Variants in DNAAF1 observed in about 807,000 individuals in gnomAD.
The protein encoded by DNAAF1 is dynein axonemal assembly factor 1.
DNAAF1 carries 65 observed loss-of-function variants against 71.1 expected under a neutral mutation model. The observed-to-expected ratio is 0.91, with a 90% CI of 0.75 to 1.12. The LOEUF (loss-of-function observed/expected upper bound fraction) is 1.12. DNAAF1 is among the 50% of genes most tolerant of loss of function. DNAAF1 has a pLI of 0.00. For synonymous variants in DNAAF1, 414 were observed against 354.6 expected (o/e 1.17, Z -1.88); for missense variants, 1,178 against 899.8 (o/e 1.31, Z -3.96).
intron 6 of DNAAF1, among the ~76,000 whole-genome samples, chr16:84,164,180 C>T (rs1002739540): frequency 2.6e-5 from 4 of 151,494 alleles, no homozygotes; most frequent in Non-Finnish European, 5.9e-5. Flanking sequence ...CATATACCAC[C>T]CGCCCTCACT....
In DNAAF1 at chr16:84,176,306, G is replaced by T. The variant is rs1017112523; in HGVS notation, c.2065+7G>T. ...CTTGCAGCCTCTTCTCCGGGTAAGA[G>T]CGTGGGGCCGAGAGCACAGTGGAGA... On this transcript the variant is annotated splice_region_variant and intron_variant, in intron 11 of 11. Transcript: ENST00000378553. The T allele has an allele frequency of 1.2e-6, 2 of 1,613,104 alleles. No homozygotes were observed. Among genetic ancestry groups the T allele is most frequent in the Non-Finnish European group, 1.7e-6 (2 of 1,179,952 alleles).
At chr16:84,148,004 G>T (rs563973545) in intron 1 of DNAAF1, among the ~76,000 whole-genome samples, 2 of 152,032 alleles carry the variant, frequency 1.3e-5, no homozygotes, top group Admixed American at 6.6e-5. Context: ...GGAGGCGGAG[G>T]TTGCAGTGAG....
Position 84,165,806 on chromosome 16 carries a change from G to C in DNAAF1, c.887G>C (p.Arg296Thr). 6.2e-7 allele frequency: 1 copy of C among 1,613,726 alleles called. No homozygotes were observed. Among genetic ancestry groups the C allele is most frequent in the Non-Finnish European group, 8.5e-7 (1 of 1,179,984 alleles). Reference protein sequence around the residue: ...KDRACAEAWARGGYAAEKEER... With the variant: ...KDRACAEAWATGGYAAEKEER... ...AGAGCTTGTGCGGAGGCCTGGGCTA[G>C]GGGAGGGTACGCAGCTGAAAAGGAG... is the stretch of plus-strand genomic sequence containing the variant. Residue 296 changes from arginine (R) to threonine (T), a missense_variant, in exon 7 of 12, where the codon AGG becomes ACG. Arg to Thr is a moderately conservative substitution (Grantham distance 71, BLOSUM62 -1). Transcript: ENST00000378553.
chr16:84,175,929 A>G lies in DNAAF1; in HGVS notation c.1699-4A>G, dbSNP rs2088628382. On this transcript the variant is annotated splice_region_variant and splice_polypyrimidine_tract_variant and intron_variant, in intron 10 of 11. Transcript: ENST00000378553. ...CTTTCAGACACCTTTTCTTCTGTAAATAGAATATGTGCTTTCCGAAGATTG... is the reference window on the plus strand; with the variant it reads ...CTTTCAGACACCTTTTCTTCTGTAAGTAGAATATGTGCTTTCCGAAGATTG... The G allele has an allele frequency of 1.2e-6, 2 of 1,614,048 alleles. No homozygotes were observed. The highest frequency in any genetic ancestry group is 1.7e-6 in the Non-Finnish European group (2 of 1,180,024).
chr16:84,177,082 A>G (rs114463757), intron 11 of DNAAF1: 7,340 of 175,486 alleles, frequency 0.042, 203 homozygotes, highest in Middle Eastern at 0.12. Flanking sequence ...ATCGGTGGCC[A>G]GGCTTTTTCC....
chr16:84,175,635 G>A, intron 10 of DNAAF1: 1 of 431,228 alleles, frequency 2.3e-6, no homozygotes, highest in Non-Finnish European at 4.3e-6. Flanking sequence ...GGGTTCAGGG[G>A]CATGCCAAGC....
chr16:84,169,150 T>G (rs1394033429), intron 7 of DNAAF1, among the ~76,000 whole-genome samples: 1 of 141,462 alleles, frequency 7.1e-6, no homozygotes, highest in African/African-American at 2.6e-5. Context: ...GGTGACTCAC[T>G]GCAACCTCTG....
chr16:84,155,194 C>G (rs557862786), intron 4 of DNAAF1, among the ~76,000 whole-genome samples: 178 of 152,114 alleles, frequency 1.2e-3, no homozygotes, highest in African/African-American at 4.1e-3. Context: ...AGGCGTGAGC[C>G]ACCATGCCCA....
In DNAAF1 at chr16:84,154,585, C is replaced by A. The variant is rs368031148; in HGVS notation, c.361C>A (p.Arg121Ser). The change falls in exon 4 of 12, where the codon CGC (arginine) becomes AGC (serine). Residue 121 changes from arginine (R) to serine (S), a missense_variant. By Grantham distance (110) the Arg-to-Ser change is moderately radical (BLOSUM62 -1). Transcript: ENST00000378553. ...TLYLHFKGFD[R>S]IENLEEYTGL... ...TGCTTCCTTTTTGTTAGGTTTTGAT[C>A]GCATTGAGAACCTGGAAGAGTACAC... 9 of 1,613,934 alleles carry A rather than the reference C, an allele frequency of 5.6e-6. No homozygotes were observed. The African/African-American group carries it at 6.7e-5, about 12-fold the overall frequency.
intron 5 of DNAAF1, among the ~76,000 whole-genome samples, chr16:84,156,247 G>A (rs796154663): frequency 9.8e-5 from 15 of 152,336 alleles, no homozygotes; most frequent in Admixed American, 7.8e-4. Flanking sequence ...ACAGGCAAGA[G>A]CCATTGTGCC....
intron 9 of DNAAF1, 131 bp from the exon 10 acceptor site, chr16:84,174,538 C>A (rs3803642): frequency 4.5e-6 from 7 of 1,566,984 alleles, no homozygotes; most frequent in Non-Finnish European, 6.1e-6. Context: ...AACAGGCAGG[C>A]GAGTCACCTG....
intron 11 of DNAAF1, chr16:84,176,851 C>G (rs1051168072): frequency 1.7e-5 from 3 of 176,872 alleles, no homozygotes; most frequent in African/African-American, 7.1e-5. Context: ...AGCCAGAGGC[C>G]TGGCTGCAGA....
chr16:84,153,934 A>G (rs1430582847), intron 3 of DNAAF1, among the ~76,000 whole-genome samples: 1 of 152,132 alleles, frequency 6.6e-6, no homozygotes, highest in Non-Finnish European at 1.5e-5. Context: ...TCCAGCAGAA[A>G]GACTACCAGT....
At chr16:84,172,529 T>C (rs941791930) in intron 9 of DNAAF1, 154 bp downstream of exon 9, 28 of 1,472,678 alleles carry the variant, frequency 1.9e-5, no homozygotes, top group South Asian at 9.0e-5. Flanking sequence ...AAATGCAGAC[T>C]CCCAGGCCTC....
At position 84,176,196 on chromosome 16, in the gene DNAAF1, C is replaced by T. The variant is rs781067677; in HGVS notation, c.1962C>T (p.Asp654=). 10 of 1,613,944 alleles carry T rather than the reference C, an allele frequency of 6.2e-6. No homozygotes were observed. In the South Asian group the frequency reaches 1.1e-4, roughly 18 times the overall value. The stretch of plus-strand genomic sequence containing the variant: ...TGATCCAGGAGCTCAGCGACGAGGA[C>T]CCCTCTGGCCAGCTACTGATGCCCC... ...RPLIQELSDE[D]PSGQLLMPPT... is the part of the protein sequence containing the mutation. The change falls in exon 11 of 12, where the codon GAC becomes GAT. Residue 654 remains aspartate (D), a synonymous_variant. Transcript: ENST00000378553.
At chr16:84,173,055 G>C in intron 9 of DNAAF1, 1 of 989,970 alleles carries the variant, frequency 1.0e-6, no homozygotes, top group Non-Finnish European at 1.2e-6. Flanking sequence ...GCATTTCTGG[G>C]TACCTCTGAC....
chr16:84,167,460 T>A (rs1267086762), intron 7 of DNAAF1, among the ~76,000 whole-genome samples: 1 of 152,028 alleles, frequency 6.6e-6, no homozygotes, highest in Admixed American at 6.6e-5. Flanking sequence ...CCAAGCCTCT[T>A]ATCATGGCTT....
At chr16:84,146,248 G>A (rs554543148) in intron 1 of DNAAF1, among the ~76,000 whole-genome samples, 2 of 152,308 alleles carry the variant, frequency 1.3e-5, no homozygotes, top group African/African-American at 4.8e-5. Context: ...CTATCACTAT[G>A]TAAGATCAAA....
In DNAAF1 at chr16:84,159,955, T is replaced by C. The variant is rs10514603; in HGVS notation, c.863+159T>C. 0.072 allele frequency among the ~76,000 whole-genome samples: 10,713 copies of C among 149,416 alleles called. 457 individuals are homozygous for C. Among genetic ancestry groups the C allele is most frequent in the South Asian group, 0.2 (969 of 4,762 alleles). On this transcript the variant is annotated intron_variant, in intron 6 of 11. Coordinates refer to ENST00000378553, the MANE Select transcript of DNAAF1 (RefSeq NM_178452.6). ...CTACATAATTGACTATAATGGGAAT[T>C]TGAGCACTTATTCATAGATTTTTTT... is the stretch of plus-strand genomic sequence containing the variant.
Sources: allele counts gnomAD v4.1 joint callset (sites outside exome capture counted in the v4.1 genomes callset), GRCh38; gene constraint gnomAD v4.1.1; transcripts MANE v1.5; gene names NCBI Gene and HGNC (gene_info 2026-07-23, HGNC 2026-07-21).